The following F13B variants were observed in gnomAD, a reference collection of about 807,000 sequenced individuals.
The protein encoded by F13B is TGase.
F13B carries 58 observed loss-of-function variants against 79.8 expected under a neutral mutation model. The ratio of observed to expected loss-of-function variants is 0.73; its 90% CI spans 0.59 to 0.90. The LOEUF is 0.90. Among genes scored for constraint, F13B ranks in the 40% least tolerant of loss-of-function variants. The probability of loss-of-function intolerance (pLI) is 0.00; values close to 1 mark genes in which losing one functional copy is unlikely to be tolerated. For synonymous variants in F13B, 283 were observed against 260.3 expected (o/e 1.09, Z -0.84); for missense variants, 773 against 777.0 (o/e 0.99, Z 0.06).
chr1:197,057,871 A>G (rs979088379), intron 5 of F13B, among the ~76,000 whole-genome samples: 6 of 152,186 alleles, frequency 3.9e-5, no homozygotes, highest in Non-Finnish European at 8.8e-5. Context: ...GCCACAAGAA[A>G]CAGAGGCTCT....
At chr1:197,050,076 A>G (rs1655389497) in intron 10 of F13B, among the ~76,000 whole-genome samples, 1 of 152,154 alleles carries the variant, frequency 6.6e-6, no homozygotes, top group Non-Finnish European at 1.5e-5. Context: ...TGAATTATCA[A>G]AGGTTTTACT....
intron 1 of F13B, among the ~76,000 whole-genome samples, chr1:197,064,016 G>A (rs1469393598): frequency 6.6e-6 from 1 of 152,072 alleles, no homozygotes; most frequent in Non-Finnish European, 1.5e-5. Flanking sequence ...TACTTGGCAA[G>A]AACTTGGCAA....
intron 5 of F13B, among the ~76,000 whole-genome samples, chr1:197,059,063 A>C (rs1014598477): frequency 9.2e-5 from 14 of 152,148 alleles, no homozygotes; most frequent in African/African-American, 2.6e-4. Flanking sequence ...AAAACACAAA[A>C]AAATTAGCTG....
Position 197,060,404 on chromosome 1 carries a change from T to C in F13B, c.767A>G (p.Tyr256Cys), listed in dbSNP as rs139285262. Residue 256 changes from tyrosine (Y) to cysteine (C), a missense_variant, in exon 5 of 12, where the codon TAT becomes TGT. Physicochemically the swap from Tyr to Cys is radical, Grantham distance 194. Coordinates refer to ENST00000367412, the MANE Select transcript of F13B (RefSeq NM_001994.3). ...YLSGSDLIQCYNFGWYPESPV... is the reference protein window; with the variant it reads ...YLSGSDLIQCCNFGWYPESPV... The stretch of plus-strand genomic sequence containing the variant: ...AGATTCTGGGTACCAACCAAAGTTA[T>C]AGCATTGAATTAAATCAGATCCACT... 8.7e-6 allele frequency: 14 copies of C among 1,612,564 alleles called. No homozygotes were observed. The highest frequency in any genetic ancestry group is 1.2e-5 in the Non-Finnish European group (14 of 1,179,028).
intron 11 of F13B, among the ~76,000 whole-genome samples, chr1:197,039,908 A>G (rs1206885784): frequency 6.6e-6 from 1 of 152,092 alleles, no homozygotes; most frequent in African/African-American, 2.4e-5. Flanking sequence ...TTGAACAAAA[A>G]ATATAATTTC....
chr1:197,054,801 C>G (rs1012751776), intron 8 of F13B, among the ~76,000 whole-genome samples: 2 of 151,856 alleles, frequency 1.3e-5, no homozygotes, highest in Admixed American at 1.3e-4. Flanking sequence ...CTTTAATTCA[C>G]TTATGGTAGG....
intron 5 of F13B, among the ~76,000 whole-genome samples, chr1:197,059,473 T>C (rs1475185715): frequency 6.6e-6 from 1 of 152,162 alleles, no homozygotes; most frequent in East Asian, 1.9e-4. Context: ...CTTCATGTCT[T>C]TCACCTGCCT....
At chr1:197,053,918 G>A (rs1412635) in intron 8 of F13B, among the ~76,000 whole-genome samples, 68,014 of 151,846 alleles carry the variant, frequency 0.45, 16,797 homozygotes, top group East Asian at 0.82. Context: ...GTTTGTGGAA[G>A]AGTAAGGAGA....
At position 197,045,979 on chromosome 1, in the gene F13B, A is replaced by C. The variant is rs1227585627; in HGVS notation, c.1738+4718T>G. Among the ~76,000 whole-genome samples the C allele has an allele frequency of 3.9e-5, 6 of 152,214 alleles. No individual in the cohort carries two copies. The East Asian group carries it at 1.2e-3, about 29-fold the overall frequency. On this transcript the variant is annotated intron_variant, in intron 10 of 11. Coordinates refer to ENST00000367412, the MANE Select transcript of F13B (RefSeq NM_001994.3). ...AAATTCAACAGCCCTTCATGCTAAAAACTCTCAATAAACAAGGTATTGAGG... is the reference window on the plus strand; with the variant it reads ...AAATTCAACAGCCCTTCATGCTAAACACTCTCAATAAACAAGGTATTGAGG...
At position 197,061,075 on chromosome 1, in the gene F13B, T is replaced by C; in HGVS notation, c.452A>G (p.Glu151Gly). ...ATATAATTCAGGAGCCAAACATGTT[T>C]CTAAAATTATAAAAATTATTTATTT... Reference protein sequence around the residue: ...SSQPTCRKEHETCLAPELYNG... With the variant: ...SSQPTCRKEHGTCLAPELYNG... The change falls in exon 4 of 12, where the codon GAA becomes GGA. Residue 151 changes from glutamate to glycine, a missense_variant and splice_region_variant. Physicochemically the swap from Glu to Gly is moderately conservative, Grantham distance 98. Coordinates refer to ENST00000367412, the MANE Select transcript of F13B (RefSeq NM_001994.3). 7.3e-7 allele frequency: 1 copy of C among 1,367,024 alleles called. No homozygotes were observed. The highest frequency in any genetic ancestry group is 1.0e-6 in the Non-Finnish European group (1 of 993,644). The allele number at this position is 1,367,024 out of a possible 1,614,324, so 84.7% of individuals were successfully genotyped here.
intron 9 of F13B, among the ~76,000 whole-genome samples, chr1:197,051,976 C>T (rs1655456747): frequency 6.6e-6 from 1 of 152,078 alleles, no homozygotes; most frequent in African/African-American, 2.4e-5. Context: ...TGTAAGTTTC[C>T]TGTTCACTCT....
rs1367150562 is a variant in F13B, at chr1:197,061,027, T to C, written c.500A>G (p.Gln167Arg). The change falls in exon 4 of 12, where the codon CAG (glutamine) becomes CGG (arginine). Residue 167 changes from glutamine to arginine, a missense_variant. By Grantham distance (43) the Gln-to-Arg change is conservative (BLOSUM62 1). Coordinates refer to ENST00000367412, the MANE Select transcript of F13B (RefSeq NM_001994.3). The stretch of plus-strand genomic sequence containing the variant: ...TTTGTCCTTCACTTTGAATGTTTTC[T>C]GTGTTGTGGAATAATTTCCATTATA... ...ELYNGNYSTT[Q>R]KTFKVKDKVQ... is the part of the protein sequence containing the mutation. 5.0e-6 allele frequency: 8 copies of C among 1,602,790 alleles called. No individual in the cohort carries two copies. Among genetic ancestry groups the C allele is most frequent in the African/African-American group, 2.7e-5 (2 of 74,868 alleles).
chr1:197,041,665 C>T (rs857025), intron 10 of F13B, among the ~76,000 whole-genome samples: 46,248 of 151,922 alleles, frequency 0.3, 8,808 homozygotes, highest in Middle Eastern at 0.45. Flanking sequence ...ATGCCTGAAA[C>T]CGCAGATAAT....
intron 10 of F13B, among the ~76,000 whole-genome samples, chr1:197,044,166 T>A (rs1368351980): frequency 2.0e-5 from 3 of 152,034 alleles, no homozygotes; most frequent in Non-Finnish European, 4.4e-5. Context: ...GGTACACTCC[T>A]GACCAAATAC....
intron 10 of F13B, among the ~76,000 whole-genome samples, chr1:197,041,077 A>C (rs1001033041): frequency 1.3e-5 from 2 of 152,154 alleles, no homozygotes; most frequent in Admixed American, 1.3e-4. Context: ...ACAGTTACTA[A>C]TGGTCATTGA....
Position 197,045,275 on chromosome 1 carries a change from A to T in F13B, c.1739-4540T>A, listed in dbSNP as rs900689779. On this transcript the variant is annotated intron_variant, in intron 10 of 11. Transcript: ENST00000367412. ...ACATAGACTGAGAGCAAGACTAATA[A>T]AGAAGAAAAGAGAGAAGAATCAAAT... is the stretch of plus-strand genomic sequence containing the variant. Among the ~76,000 whole-genome samples, 3 of 152,210 alleles carry T rather than the reference A, an allele frequency of 2.0e-5. No individual in the cohort carries two copies. The East Asian group carries it at 5.8e-4, about 29-fold the overall frequency.
rs1655868554 is a variant in F13B at position 197,061,705 on chromosome 1, G to T, written c.451+79C>A. The T allele has an allele frequency of 5.3e-6, 6 of 1,122,658 alleles. No homozygotes were observed. The South Asian group carries it at 6.8e-5, about 13-fold the overall frequency. 69.5% of individuals were successfully genotyped at this position (1,122,658 alleles called of 1,614,324 possible). ...GAAAAATAAATTCTATTAAATAATA[G>T]ATATCAATATAAGCTTCAATATATT... On this transcript the variant is annotated intron_variant, in intron 3 of 11. Transcript: ENST00000367412.
chr1:197,061,985 T>C lies in F13B; in HGVS notation c.266-16A>G. 1.9e-6 allele frequency: 3 copies of C among 1,592,962 alleles called. No homozygotes were observed. In the Admixed American group the frequency reaches 5.0e-5, roughly 27 times the overall value. ...GTGCATTTTTCTATGGGAAAAAAAA[T>C]TATTTAACTTAATGATGAAACTAAG... is the stretch of plus-strand genomic sequence containing the variant. On this transcript the variant is annotated splice_polypyrimidine_tract_variant and intron_variant, in intron 2 of 11. Coordinates refer to ENST00000367412, the MANE Select transcript of F13B (RefSeq NM_001994.3).
chr1:197,067,230 T>G lies in F13B; in HGVS notation c.-7A>C, dbSNP rs763038126. On this transcript the variant is annotated 5_prime_UTR_variant, in exon 1 of 12. Coordinates refer to ENST00000367412, the MANE Select transcript of F13B (RefSeq NM_001994.3). Reference sequence around the variant, plus strand: ...TCAGGTTTTTCAACCTCATCTTCAGTGGTGTGCTTCACAAAGATTTTAACA... The same window carrying G: ...TCAGGTTTTTCAACCTCATCTTCAGGGGTGTGCTTCACAAAGATTTTAACA... 5 of 1,604,192 alleles carry G rather than the reference T, an allele frequency of 3.1e-6. No homozygotes were observed. The South Asian group carries it at 4.4e-5, about 14-fold the overall frequency.
Sources: gnomAD v4.1 joint callset for allele counts (sites outside exome capture counted in the v4.1 genomes callset) on GRCh38, gnomAD v4.1.1 for gene constraint, MANE v1.5 for transcripts, NCBI Gene and HGNC (gene_info 2026-07-23, HGNC 2026-07-21) for gene names.